Variants in FOXK2 observed in about 807,000 individuals in gnomAD.
FOXK2 encodes forkhead box K2, also known as forkhead box protein K2.
In FOXK2, 24 loss-of-function variants were observed where a neutral mutation model predicts 53.3. That is an observed-to-expected ratio of 0.45 (90% CI 0.33 to 0.63). The LOEUF (loss-of-function observed/expected upper bound fraction) is 0.63. Ranked by LOEUF, FOXK2 falls within the 30% of genes least tolerant of loss-of-function variation. The pLI, the probability that FOXK2 is intolerant of heterozygous loss-of-function variation, is 0.03. For synonymous variants in FOXK2, 505 were observed against 407.1 expected (o/e 1.24, Z -2.89); for missense variants, 952 against 910.5 (o/e 1.05, Z -0.59).
chr17:82,589,820 C>T lies in FOXK2; in HGVS notation c.1786+2548C>T, dbSNP rs569983773. Among the ~76,000 whole-genome samples, 69 of 152,192 alleles carry T rather than the reference C, an allele frequency of 4.5e-4. 1 individual carries two copies. The South Asian group carries it at 6.0e-3, about 13-fold the overall frequency. On this transcript the variant is annotated intron_variant, in intron 8 of 8. Transcript: ENST00000335255. ...CAGCACTTTGGGAGGTGGAGGTGGGCGGATCACTTGAGATCAGGAGTTGGA... is the reference window on the plus strand; with the variant it reads ...CAGCACTTTGGGAGGTGGAGGTGGGTGGATCACTTGAGATCAGGAGTTGGA...
intron 8 of FOXK2, chr17:82,587,558 C>T (rs1598234102): frequency 9.0e-6 from 4 of 443,660 alleles, no homozygotes; most frequent in South Asian, 2.2e-5. Flanking sequence ...GGCCTGGAAG[C>T]GGCCTGAAAC....
chr17:82,565,233 A>G (rs994145541), intron 2 of FOXK2, among the ~76,000 whole-genome samples: 2 of 152,234 alleles, frequency 1.3e-5, no homozygotes, highest in Non-Finnish European at 2.9e-5. Flanking sequence ...AGAAGAAAAC[A>G]TAGGCAAAAC....
Position 82,587,234 on chromosome 17 carries a change from C to T in FOXK2, c.1748C>T (p.Ala583Val). ...GTAACACAAAACGGCACTCACGTGG[C>T]ATCAGTCCCCACTGCGGTCCACGGC... ...KTVTQNGTHV[A>V]SVPTAVHGQV... Residue 583 changes from alanine (A) to valine (V), a missense_variant, in exon 8 of 9, where the codon GCA (alanine) becomes GTA (valine). Coordinates refer to ENST00000335255, the MANE Select transcript of FOXK2 (RefSeq NM_004514.4). The T allele has an allele frequency of 6.2e-7, 1 of 1,613,070 alleles. No individual in the cohort carries two copies. The highest frequency in any genetic ancestry group is 8.5e-7 in the Non-Finnish European group (1 of 1,180,002).
chr17:82,560,802 A>G (rs1281780150), intron 1 of FOXK2, among the ~76,000 whole-genome samples: 2 of 152,158 alleles, frequency 1.3e-5, no homozygotes, highest in African/African-American at 4.8e-5. Flanking sequence ...GTTTGAGACC[A>G]GCCTGGGAAA....
chr17:82,549,454 A>G (rs1353089218), intron 1 of FOXK2, among the ~76,000 whole-genome samples: 1 of 151,132 alleles, frequency 6.6e-6, no homozygotes, highest in Non-Finnish European at 1.5e-5. Context: ...GAGAGGGGCC[A>G]AAACCCCCAA....
intron 1 of FOXK2, among the ~76,000 whole-genome samples, chr17:82,540,525 A>G (rs1197163044): frequency 6.6e-6 from 1 of 151,422 alleles, no homozygotes; most frequent in African/African-American, 2.4e-5. Context: ...ATGCTTGGGG[A>G]TGGTTTGTCT....
intron 4 of FOXK2, chr17:82,578,487 A>G (rs1324077975): frequency 6.6e-6 from 1 of 152,234 alleles, no homozygotes; most frequent in Non-Finnish European, 1.5e-5. Context: ...TGTGGTTTTA[A>G]TACATGTAGC....
chr17:82,537,936 A>AT (rs1402449304), intron 1 of FOXK2, among the ~76,000 whole-genome samples: 2 of 150,340 alleles, frequency 1.3e-5, no homozygotes, highest in East Asian at 2.0e-4. Context: ...AAAAAAAAAA[A>AT]TCCGTGGCCA....
Position 82,586,125 on chromosome 17 carries a change from G to C in FOXK2, c.1501G>C (p.Val501Leu), listed in dbSNP as rs757205677. Residue 501 changes from valine (V) to leucine (L), a missense_variant, in exon 7 of 9, where the codon GTG becomes CTG. By Grantham distance (32) the Val-to-Leu change is conservative (BLOSUM62 1). Around this residue, in one of 5 missense-constraint regions of FOXK2, gnomAD observed 551 missense variants for 385.1 expected, o/e 1.43. Coordinates refer to ENST00000335255, the MANE Select transcript of FOXK2 (RefSeq NM_004514.4). ...CACGTACACTGTCTCTGGACAAGCTGTGGTCACCCCGGCAGCCGTGCTGGC... is the reference window on the plus strand; with the variant it reads ...CACGTACACTGTCTCTGGACAAGCTCTGGTCACCCCGGCAGCCGTGCTGGC... ...ANTYTVSGQA[V>L]VTPAAVLAPP... 6.2e-6 allele frequency: 10 copies of C among 1,612,672 alleles called. No homozygotes were observed. The highest frequency in any genetic ancestry group is 8.5e-6 in the Non-Finnish European group (10 of 1,179,934).
intron 2 of FOXK2, among the ~76,000 whole-genome samples, chr17:82,566,758 G>T (rs1054469679): frequency 6.6e-6 from 1 of 152,062 alleles, no homozygotes; most frequent in Non-Finnish European, 1.5e-5. Context: ...GCGTTTCCTT[G>T]CTTGCCCCTC....
chr17:82,567,948 TA>T (rs1423906982), intron 2 of FOXK2, 105 bp from the exon 3 acceptor site: 15 of 611,376 alleles, frequency 2.5e-5, no homozygotes, highest in South Asian at 1.3e-4. Context: ...TTTTTTTTTT[TA>T]ACATTTCTGT....
intron 1 of FOXK2, among the ~76,000 whole-genome samples, chr17:82,535,513 C>G (rs1338299106): frequency 6.6e-6 from 1 of 152,170 alleles, no homozygotes; most frequent in Non-Finnish European, 1.5e-5. Flanking sequence ...TTTCTCCTTT[C>G]TGAGGAGACT....
At chr17:82,576,291 G>A (rs2044985098) in intron 4 of FOXK2, among the ~76,000 whole-genome samples, 2 of 151,368 alleles carry the variant, frequency 1.3e-5, no homozygotes, top group South Asian at 2.1e-4. Flanking sequence ...CCACACCAGC[G>A]TGTGTGCTCG....
chr17:82,554,995 C>T (rs566815522), intron 1 of FOXK2, among the ~76,000 whole-genome samples: 316 of 152,202 alleles, frequency 2.1e-3, no homozygotes, highest in Middle Eastern at 0.01. Flanking sequence ...GTGATCTGCC[C>T]GCCTCGGCCT....
chr17:82,580,505 T>C (rs1381567673), intron 4 of FOXK2, among the ~76,000 whole-genome samples: 6 of 27,966 alleles, frequency 2.1e-4, no homozygotes, highest in Admixed American at 5.9e-4. Flanking sequence ...CCAGCCCTCC[T>C]CTCCATGTCA....
At chr17:82,595,775 T>C (rs1045213934) in intron 8 of FOXK2, 2 of 1,288,966 alleles carry the variant, frequency 1.6e-6, no homozygotes, top group African/African-American at 3.0e-5. Flanking sequence ...CCCACTCCTC[T>C]CCCCAGGGCC....
chr17:82,550,150 C>T (rs994901644), intron 1 of FOXK2, among the ~76,000 whole-genome samples: 11 of 152,182 alleles, frequency 7.2e-5, no homozygotes, highest in African/African-American at 2.7e-4. Flanking sequence ...ATGATTGTGC[C>T]ACTGCCTTCC....
At chr17:82,549,377 C>G (rs1384939139) in intron 1 of FOXK2, among the ~76,000 whole-genome samples, 1 of 151,904 alleles carries the variant, frequency 6.6e-6, no homozygotes, top group Non-Finnish European at 1.5e-5. Flanking sequence ...TACAGTACAG[C>G]AAATGGGAGA....
At chr17:82,586,643 T>C (rs1367347398) in intron 7 of FOXK2, among the ~76,000 whole-genome samples, 1 of 151,984 alleles carries the variant, frequency 6.6e-6, no homozygotes, top group Non-Finnish European at 1.5e-5. Context: ...GGCTCACACC[T>C]GTAATCCCAG....
Sources: allele counts gnomAD v4.1 joint callset (sites outside exome capture counted in the v4.1 genomes callset), GRCh38; gene constraint gnomAD v4.1.1; regional missense constraint gnomAD v4.1.1; transcripts MANE v1.5; gene names NCBI Gene and HGNC (gene_info 2026-07-23, HGNC 2026-07-21).